The following CASD1 variants were observed in gnomAD, a reference collection of about 807,000 sequenced individuals.
The protein encoded by CASD1 is CAS1 domain sialic acid O acetyltransferase 1.
CASD1 carries 41 observed loss-of-function variants against 100.0 expected under a neutral mutation model. The observed-to-expected ratio is 0.41, with a 90% confidence interval of 0.32 to 0.53. The LOEUF (loss-of-function observed/expected upper bound fraction) is 0.53. Ranked by LOEUF, CASD1 falls within the 20% of genes least tolerant of loss-of-function variation. The pLI is 0.25. For synonymous variants in CASD1, 321 were observed against 315.6 expected (o/e 1.02, Z -0.18); for missense variants, 774 against 948.7 (o/e 0.82, Z 2.42).
At chr7:94,612,816 G>T in the CASD1 span, among the ~76,000 whole-genome samples, 1 of 151,712 alleles carries the variant, frequency 6.6e-6, no homozygotes, top group South Asian at 2.1e-4. Flanking sequence ...CTTCTCTCTT[G>T]GTGATTGACA....
At chr7:94,546,787 C>T (rs952729321) in intron 12 of CASD1, among the ~76,000 whole-genome samples, 2 of 151,896 alleles carry the variant, frequency 1.3e-5, no homozygotes, top group Non-Finnish European at 3.0e-5. Context: ...CCAGATTTTG[C>T]TGTAACTTTG....
At chr7:94,592,942 T>C in the CASD1 span, among the ~76,000 whole-genome samples, 2 of 152,176 alleles carry the variant, frequency 1.3e-5, no homozygotes, top group Non-Finnish European at 2.9e-5. Flanking sequence ...GAAATAGTTA[T>C]ATATTTTTGG....
the CASD1 span, among the ~76,000 whole-genome samples, chr7:94,603,091 A>G: frequency 6.6e-6 from 1 of 152,186 alleles, no homozygotes; most frequent in East Asian, 1.9e-4. Flanking sequence ...CAAGGATAGA[A>G]TAAGTACAAA....
chr7:94,558,245 A>C (rs529547654), downstream of CASD1, among the ~76,000 whole-genome samples: 5 of 152,176 alleles, frequency 3.3e-5, no homozygotes, highest in Non-Finnish European at 7.3e-5. Flanking sequence ...TCTATTCTCG[A>C]ATGACTTTAT....
In CASD1 at chr7:94,524,485, A is replaced by G. The variant is rs927109229; in HGVS notation, c.352-2677A>G. Among the ~76,000 whole-genome samples the G allele has an allele frequency of 2.0e-5, 3 of 152,160 alleles. No individual in the cohort carries two copies. The East Asian group carries it at 5.8e-4, about 29-fold the overall frequency. The stretch of plus-strand genomic sequence containing the variant: ...ATTAAATCTGACAATGGCAAGAAAT[A>G]TGAAAACAGACCAGATGTATTAGGC... On this transcript the variant is annotated intron_variant, in intron 3 of 17. Transcript: ENST00000297273.
At chr7:94,571,664 ATT>A in the CASD1 span, among the ~76,000 whole-genome samples, 44 of 152,160 alleles carry the variant, frequency 2.9e-4, no homozygotes, top group Admixed American at 5.2e-4. Flanking sequence ...AGTTAAAGAT[ATT>A]TCCAAGCAAG....
the CASD1 span, among the ~76,000 whole-genome samples, chr7:94,633,471 T>C: frequency 1.3e-5 from 2 of 152,086 alleles, no homozygotes; most frequent in African/African-American, 4.8e-5. Flanking sequence ...TAGATCCAAT[T>C]TATCTCATCA....
At chr7:94,541,909 A>G (rs1367060625) in intron 10 of CASD1, among the ~76,000 whole-genome samples, 1 of 152,134 alleles carries the variant, frequency 6.6e-6, no homozygotes, top group African/African-American at 2.4e-5. Flanking sequence ...ACATACTTTT[A>G]AAAGGTCCAG....
At chr7:94,583,512 A>AACCTGGG in the CASD1 span, among the ~76,000 whole-genome samples, 3 of 152,188 alleles carry the variant, frequency 2.0e-5, no homozygotes, top group Non-Finnish European at 4.4e-5. Flanking sequence ...TGGAACCTGG[A>AACCTGGG]ACCTGGGAAA....
intron 14 of CASD1, among the ~76,000 whole-genome samples, chr7:94,549,981 C>T (rs891364421): frequency 1.3e-5 from 2 of 152,006 alleles, no homozygotes; most frequent in African/African-American, 4.8e-5. Flanking sequence ...ATGTTGATGC[C>T]ATGAAGTATA....
chr7:94,551,279 T>C, intron 14 of CASD1, 59 bp from the exon 15 acceptor site: 1 of 1,373,202 alleles, frequency 7.3e-7, no homozygotes, highest in Non-Finnish European at 9.8e-7. Flanking sequence ...TAACCAAATA[T>C]TTTTCCTGTT....
the CASD1 span, among the ~76,000 whole-genome samples, chr7:94,591,612 G>A: frequency 1.5e-5 from 2 of 134,738 alleles, no homozygotes; most frequent in African/African-American, 5.0e-5. Flanking sequence ...TTTGGATGAG[G>A]TAGTTGGATG....
intron 1 of CASD1, among the ~76,000 whole-genome samples, chr7:94,512,678 A>G (rs1005176585): frequency 1.3e-5 from 2 of 152,226 alleles, no homozygotes; most frequent in African/African-American, 4.8e-5. Context: ...TACAATTACC[A>G]TATTTCACTC....
chr7:94,631,244 C>T, the CASD1 span, among the ~76,000 whole-genome samples: 3 of 151,872 alleles, frequency 2.0e-5, no homozygotes, highest in Admixed American at 6.6e-5. Flanking sequence ...AATCCCATTC[C>T]GCGAAACAAG....
chr7:94,610,518 C>CA, the CASD1 span, among the ~76,000 whole-genome samples: 2 of 151,924 alleles, frequency 1.3e-5, no homozygotes, highest in South Asian at 2.1e-4. Flanking sequence ...AGTATACGCA[C>CA]AAAAAAATCA....
the CASD1 span, among the ~76,000 whole-genome samples, chr7:94,571,040 C>CTTTTTTTT: frequency 2.2e-5 from 3 of 138,684 alleles, no homozygotes. Context: ...TTAAATTCTC[C>CTTTTTTTT]TTTTTTTTTT....
chr7:94,515,941 C>T (rs757789163), intron 1 of CASD1, among the ~76,000 whole-genome samples: 3 of 151,862 alleles, frequency 2.0e-5, no homozygotes, highest in Non-Finnish European at 4.4e-5. Context: ...AAGATTTTAC[C>T]ATATGGCCAT....
the CASD1 span, chr7:94,585,344 G>T: frequency 1.7e-6 from 1 of 590,526 alleles, no homozygotes; most frequent in Non-Finnish European, 3.0e-6. Flanking sequence ...TTAGTAAAAT[G>T]AAAGTTATGT....
the CASD1 span, chr7:94,617,646 G>C: frequency 6.6e-6 from 1 of 152,164 alleles, no homozygotes; most frequent in Non-Finnish European, 1.5e-5. Context: ...ACATAGACAA[G>C]AGATAAAGCA....
Sources: allele counts gnomAD v4.1 joint callset (sites outside exome capture counted in the v4.1 genomes callset), GRCh38; gene constraint gnomAD v4.1.1; transcripts MANE v1.5; gene names NCBI Gene and HGNC (gene_info 2026-07-23, HGNC 2026-07-21).